The following CFAP70 variants were observed in gnomAD, a reference collection of about 807,000 sequenced individuals.
CFAP70 encodes cilia and flagella associated protein 70.
CFAP70 carries 81 observed loss-of-function variants against 137.6 expected under a neutral mutation model. The ratio of observed to expected loss-of-function variants is 0.59; its 90% CI spans 0.49 to 0.71. The LOEUF is 0.71. Among genes scored for constraint, CFAP70 ranks in the 30% least tolerant of loss-of-function variants. The pLI, the probability that CFAP70 is intolerant of heterozygous loss-of-function variation, is 0.00. For missense variants in CFAP70, 976 were observed against 1,226.7 expected (o/e 0.80, Z 3.05); for synonymous variants, 382 against 423.6 (o/e 0.90, Z 1.20).
At chr10:73,321,395 G>C (rs1451959640) in intron 9 of CFAP70, among the ~76,000 whole-genome samples, 1 of 152,092 alleles carries the variant, frequency 6.6e-6, no homozygotes, top group Non-Finnish European at 1.5e-5. Context: ...TCCAGCTTGG[G>C]CAACACAGCG....
intron 19 of CFAP70, among the ~76,000 whole-genome samples, chr10:73,289,226 C>CA (rs1336352191): frequency 6.6e-6 from 1 of 151,382 alleles, no homozygotes; most frequent in Non-Finnish European, 1.5e-5. Flanking sequence ...ATTTCAAACT[C>CA]AAAAAAAGAG....
At chr10:73,290,004 C>T (rs2048046723) in intron 19 of CFAP70, among the ~76,000 whole-genome samples, 2 of 147,606 alleles carry the variant, frequency 1.4e-5, no homozygotes, top group African/African-American at 5.0e-5. Flanking sequence ...AAGATCTCAC[C>T]ACTGCACTCC....
chr10:73,316,505 T>TAG (rs1383659596), intron 9 of CFAP70, among the ~76,000 whole-genome samples: 13 of 141,804 alleles, frequency 9.2e-5, no homozygotes, highest in African/African-American at 2.9e-4. Context: ...TATATATATA[T>TAG]ATATATATGA....
chr10:73,259,048 C>A (rs2044843392), intron 25 of CFAP70, among the ~76,000 whole-genome samples: 1 of 152,134 alleles, frequency 6.6e-6, no homozygotes, highest in South Asian at 2.1e-4. Flanking sequence ...ATCTCTGTGA[C>A]CCACACCCTA....
Position 73,354,935 on chromosome 10 carries a change from C to A in CFAP70, c.-39-100G>T, listed in dbSNP as rs2054550158. 2.6e-5 allele frequency: 18 copies of A among 703,936 alleles called. No individual in the cohort carries two copies. The South Asian group carries it at 3.1e-4, about 12-fold the overall frequency. 43.6% of individuals were successfully genotyped at this position (703,936 alleles called of 1,614,324 possible). A position where few individuals can be genotyped will look rare whatever the true frequency, so the allele number is the denominator to read the frequency against. Reference sequence around the variant, plus strand: ...TACCAGGGAAAACCTAAGGAAATGCCATAGTCCAGCACTGTTTTATTCCCC... The same window carrying A: ...TACCAGGGAAAACCTAAGGAAATGCAATAGTCCAGCACTGTTTTATTCCCC... On this transcript the variant is annotated intron_variant, in intron 1 of 26. Transcript: ENST00000310715.
intron 4 of CFAP70, among the ~76,000 whole-genome samples, chr10:73,347,314 A>G (rs2053796384): frequency 6.6e-6 from 1 of 152,314 alleles, no homozygotes; most frequent in South Asian, 2.1e-4. Context: ...TCACTTTTAA[A>G]TCACTGTGCA....
intron 9 of CFAP70, 142 bp from the exon 11 acceptor site, chr10:73,312,785 C>A (rs1032304843): frequency 2.8e-6 from 2 of 713,692 alleles, no homozygotes; most frequent in African/African-American, 3.6e-5. Context: ...TGAAAGACTT[C>A]ATTGTATTTC....
At chr10:73,356,505 C>A (rs931512842) in intron 1 of CFAP70, among the ~76,000 whole-genome samples, 1 of 152,106 alleles carries the variant, frequency 6.6e-6, no homozygotes, top group Non-Finnish European at 1.5e-5. Context: ...GTTGAAAAGG[C>A]CTTATTTTCT....
chr10:73,334,922 T>G (rs2052491942), intron 7 of CFAP70, among the ~76,000 whole-genome samples: 1 of 150,886 alleles, frequency 6.6e-6, no homozygotes, highest in East Asian at 2.0e-4. Context: ...GTCACTCCAT[T>G]GCCCAGGCTA....
rs2050008415 is a variant in CFAP70 at position 73,312,656 on chromosome 10, A to C, written c.913-13T>G. 20 of 1,527,100 alleles carry C rather than the reference A, an allele frequency of 1.3e-5. No homozygotes were observed. Among genetic ancestry groups the C allele is most frequent in the Middle Eastern group, 1.8e-4 (1 of 5,486 alleles). The allele number at this position is 1,527,100 out of a possible 1,614,324, so 94.6% of individuals were successfully genotyped here. On this transcript the variant is annotated splice_polypyrimidine_tract_variant and intron_variant, in intron 9 of 26. Coordinates refer to ENST00000310715, the Ensembl canonical transcript of CFAP70. ...ATAAACATTTGGTCTGAAAAACAAA[A>C]AAACAAACAAAAAAAAGCAATACAT...
chr10:73,285,234 G>A (rs954199046), intron 19 of CFAP70, among the ~76,000 whole-genome samples: 1 of 152,166 alleles, frequency 6.6e-6, no homozygotes, highest in Non-Finnish European at 1.5e-5. Context: ...CATGGGCTAT[G>A]AGTCTAGATG....
rs755890669 is a variant in CFAP70, at chr10:73,348,135, G to A, written c.349+288C>T. The A allele has an allele frequency of 3.1e-6, 5 of 1,607,038 alleles. No individual in the cohort carries two copies. In the Admixed American group the frequency reaches 6.7e-5, roughly 21 times the overall value. On this transcript the variant is annotated intron_variant, in intron 4 of 26. Coordinates refer to ENST00000310715, the Ensembl canonical transcript of CFAP70. ...ACATTGAATGGCAGGCTGAAATGTT[G>A]AGAGCTAAAACTCTGATTACCTTAG...
chr10:73,284,238 A>G (rs559731561), intron 19 of CFAP70, among the ~76,000 whole-genome samples: 22 of 152,270 alleles, frequency 1.4e-4, no homozygotes, highest in African/African-American at 5.1e-4. Context: ...CAGAAGCATA[A>G]CATCTTCAAA....
Position 73,325,891 on chromosome 10 carries a change from G to C in CFAP70, c.778-2794C>G, listed in dbSNP as rs531285988. Among the ~76,000 whole-genome samples, 79 of 152,152 alleles carry C rather than the reference G, an allele frequency of 5.2e-4. 1 individual carries two copies. The East Asian group carries it at 0.014, about 26-fold the overall frequency. On this transcript the variant is annotated intron_variant, in intron 8 of 26. Transcript: ENST00000310715. ...AGACTCCCACACAATAATAATGAGA[G>C]ACTTTAACACCCCACTGTCAACATT...
intron 12 of CFAP70, 121 bp from the exon 14 acceptor site, chr10:73,299,786 A>G (rs1407155952): frequency 1.5e-6 from 1 of 680,620 alleles, no homozygotes; most frequent in East Asian, 3.3e-5. Context: ...CTGTTCCCCC[A>G]CTGCACTTGA....
intron 12 of CFAP70, among the ~76,000 whole-genome samples, chr10:73,307,239 C>A (rs2049457474): frequency 6.6e-6 from 1 of 151,638 alleles, no homozygotes; most frequent in Non-Finnish European, 1.5e-5. Context: ...GAGGGAAATC[C>A]AAATGGCATA....
intron 19 of CFAP70, among the ~76,000 whole-genome samples, chr10:73,289,036 TCTTA>T (rs1311236220): frequency 6.6e-6 from 1 of 152,220 alleles, no homozygotes; most frequent in Non-Finnish European, 1.5e-5. Flanking sequence ...TTGTTGCCTC[TCTTA>T]CTGTTTTTTC....
intron 19 of CFAP70, among the ~76,000 whole-genome samples, chr10:73,288,680 A>C (rs553831629): frequency 7.4e-4 from 113 of 152,214 alleles, no homozygotes; most frequent in African/African-American, 2.6e-3. Flanking sequence ...GGCTCTTCCC[A>C]CCACTTCTGG....
intron 4 of CFAP70, chr10:73,348,175 G>A (rs773675243): frequency 6.2e-7 from 1 of 1,614,212 alleles, no homozygotes; most frequent in South Asian, 1.1e-5. Context: ...TGATCTAGGA[G>A]TTTCTAAGGG....
Sources: gnomAD v4.1 joint callset for allele counts (sites outside exome capture counted in the v4.1 genomes callset) on GRCh38, gnomAD v4.1.1 for gene constraint, MANE v1.5 for transcripts, NCBI Gene and HGNC (gene_info 2026-07-23, HGNC 2026-07-21) for gene names.